The following PTGER3 variants were observed in gnomAD, a reference collection of about 807,000 sequenced individuals.
PTGER3 encodes prostaglandin E receptor 3.
A neutral mutation model predicts 34.7 loss-of-function variants in PTGER3; 22 were observed. That is an observed-to-expected ratio of 0.63 (90% CI 0.45 to 0.91). PTGER3 has a LOEUF of 0.91. Among genes scored for constraint, PTGER3 ranks in the 40% least tolerant of loss-of-function variants. The pLI is 0.00. For missense variants in PTGER3, 468 were observed against 519.4 expected (o/e 0.90, Z 0.96); for synonymous variants, 241 against 230.1 (o/e 1.05, Z -0.43).
intron 2 of PTGER3, chr1:71,010,928 A>G: frequency 1.0e-6 from 1 of 985,364 alleles, no homozygotes; most frequent in Non-Finnish European, 1.2e-6. Flanking sequence ...AGAAGTATAA[A>G]TAAATCTCAA....
In PTGER3 at chr1:70,996,834, T is replaced by G. The variant is rs930280734; in HGVS notation, c.1077+15471A>C. Among the ~76,000 whole-genome samples, 55 of 152,170 alleles carry G rather than the reference T, an allele frequency of 3.6e-4. 2 individuals carry two copies. The highest frequency in any genetic ancestry group is 1.3e-3 in the African/African-American group (54 of 41,520). On this transcript the variant is annotated intron_variant, in intron 2 of 3. Transcript: ENST00000306666. ...GCCCGCCACCGCGCCCAGCCTTTTT[T>G]TGTGTTTTTAGTAGAGACGGGGTTT...
chr1:70,943,942 G>C (rs902872598), intron 4 of PTGER3, among the ~76,000 whole-genome samples: 1 of 151,300 alleles, frequency 6.6e-6, no homozygotes, highest in Non-Finnish European at 1.5e-5. Context: ...GGCACTCCTT[G>C]CTCTTGGGTT....
intron 4 of PTGER3, among the ~76,000 whole-genome samples, chr1:70,901,966 C>A (rs1339908918): frequency 6.6e-6 from 1 of 152,146 alleles, no homozygotes. Context: ...ACTCAAACAG[C>A]TTCTCTGTAC....
chr1:70,999,114 T>G (rs564398604), intron 2 of PTGER3, among the ~76,000 whole-genome samples: 131 of 152,246 alleles, frequency 8.6e-4, no homozygotes, highest in African/African-American at 3.1e-3. Context: ...ACCCCAGAGA[T>G]GCCTGAGAAC....
intron 1 of PTGER3, among the ~76,000 whole-genome samples, chr1:71,018,814 T>C (rs1237286685): frequency 6.6e-6 from 1 of 152,184 alleles, no homozygotes; most frequent in Non-Finnish European, 1.5e-5. Context: ...ATAGGTTTCA[T>C]ATGCCTTACA....
At chr1:70,933,716 GC>G (rs1161116581) in intron 4 of PTGER3, among the ~76,000 whole-genome samples, 1 of 152,184 alleles carries the variant, frequency 6.6e-6, no homozygotes, top group African/African-American at 2.4e-5. Flanking sequence ...GGGAGTGAAA[GC>G]GGTTATAATC....
At chr1:70,876,420 T>C (rs1646274310) in intron 4 of PTGER3, among the ~76,000 whole-genome samples, 1 of 152,066 alleles carries the variant, frequency 6.6e-6, no homozygotes, top group East Asian at 1.9e-4. Flanking sequence ...TTTCTTTTGC[T>C]GTGAGAAACT....
chr1:70,998,754 T>C (rs1656204522), intron 2 of PTGER3, among the ~76,000 whole-genome samples: 1 of 152,220 alleles, frequency 6.6e-6, no homozygotes, highest in African/African-American at 2.4e-5. Flanking sequence ...TTTGTGACTT[T>C]ACAGCTAGAG....
chr1:70,992,947 C>A (rs913464283), intron 2 of PTGER3, among the ~76,000 whole-genome samples: 8 of 152,228 alleles, frequency 5.3e-5, no homozygotes, highest in Non-Finnish European at 1.2e-4. Context: ...CAACATTGCC[C>A]TGGGTAGAAC....
At chr1:70,905,557 T>C (rs1170634120) in intron 4 of PTGER3, among the ~76,000 whole-genome samples, 1 of 152,156 alleles carries the variant, frequency 6.6e-6, no homozygotes, top group East Asian at 1.9e-4. Context: ...GATATCACTT[T>C]GGAGCTTTAA....
At chr1:71,039,649 CAAAAAAAA>C (rs1183485427) in intron 1 of PTGER3, among the ~76,000 whole-genome samples, 9 of 54,468 alleles carry the variant, frequency 1.7e-4, no homozygotes, top group African/African-American at 2.3e-4. Flanking sequence ...GACTCTGTCT[CAAAAAAAA>C]AAAAAAAAAA....
At chr1:70,985,029 T>C (rs1039907720) in intron 2 of PTGER3, among the ~76,000 whole-genome samples, 2 of 152,134 alleles carry the variant, frequency 1.3e-5, no homozygotes, top group Non-Finnish European at 2.9e-5. Flanking sequence ...GGAGAGCTAA[T>C]GCCAACTTCA....
intron 2 of PTGER3, among the ~76,000 whole-genome samples, chr1:71,003,970 T>C (rs1325885902): frequency 1.3e-5 from 2 of 152,220 alleles, no homozygotes; most frequent in Non-Finnish European, 2.9e-5. Context: ...CACATACCTA[T>C]CATCAATTTC....
chr1:70,852,883 G>A lies in PTGER3; in HGVS notation c.*24-24C>T, dbSNP rs200434021. The A allele has an allele frequency of 4.1e-5, 66 of 1,609,694 alleles. No individual in the cohort carries two copies. The African/African-American group carries it at 8.2e-4, about 20-fold the overall frequency. On this transcript the variant is annotated intron_variant, in intron 4 of 4. Transcript: ENST00000370931. ...TCCTGGAAAACAAACAAATCAATTA[G>A]GATAGCCAATAATAAATGCACTGTT...
intron 4 of PTGER3, among the ~76,000 whole-genome samples, chr1:70,941,536 C>A (rs979005278): frequency 6.6e-6 from 1 of 152,116 alleles, no homozygotes; most frequent in Admixed American, 6.6e-5. Flanking sequence ...TTACTGGCAC[C>A]TCTGCTTTGA....
chr1:70,939,711 T>A (rs1186945480), intron 4 of PTGER3, among the ~76,000 whole-genome samples: 3 of 152,202 alleles, frequency 2.0e-5, no homozygotes, highest in African/African-American at 7.2e-5. Context: ...TGGCCCCTTT[T>A]ATCCATAGCT....
Position 70,865,618 on chromosome 1 carries a change from T to C in PTGER3, c.*24-12759A>G. The C allele has an allele frequency of 3.1e-6, 4 of 1,303,802 alleles. No homozygotes were observed. In the South Asian group the frequency reaches 4.8e-5, roughly 16 times the overall value. The allele number at this position is 1,303,802 out of a possible 1,614,324, so 80.8% of individuals were successfully genotyped here. On this transcript the variant is annotated intron_variant, in intron 4 of 4. Transcript: ENST00000370931. ...AAGATGGTAAGTTATTTTTGGAGCA[T>C]GTTTCATTAGAGATAGGCTGACTTC...
chr1:71,006,083 G>C, intron 2 of PTGER3: 1 of 816,982 alleles, frequency 1.2e-6, no homozygotes, highest in Non-Finnish European at 1.5e-6. Context: ...TCATCCTACA[G>C]GAGTATAGAA....
At chr1:70,953,828 T>C in intron 2 of PTGER3, 1 of 1,013,596 alleles carries the variant, frequency 9.9e-7, no homozygotes, top group South Asian at 1.8e-5. Flanking sequence ...TGCTATAATT[T>C]AATATGCAAA....
Sources: allele counts gnomAD v4.1 joint callset (sites outside exome capture counted in the v4.1 genomes callset), GRCh38; gene constraint gnomAD v4.1.1; transcripts MANE v1.5; gene names NCBI Gene and HGNC (gene_info 2026-07-23, HGNC 2026-07-21).